RNF220: variants seen among roughly 807,000 people sequenced by gnomAD.
RNF220 encodes the protein ring finger protein 220.
Under a neutral mutation model 67.1 loss-of-function variants are expected in RNF220, and 7 were observed. The observed-to-expected ratio is 0.10, with a 90% CI of 0.06 to 0.20. RNF220 has a LOEUF of 0.20. Among genes scored for constraint, RNF220 ranks in the 10% least tolerant of loss-of-function variants. The pLI, the probability that RNF220 is intolerant of heterozygous loss-of-function variation, is 1.00. For missense variants in RNF220, 565 were observed against 740.3 expected (o/e 0.76, Z 2.75); for synonymous variants, 270 against 283.2 (o/e 0.95, Z 0.47).
chr1:44,462,243 T>A (rs1041210790), intron 2 of RNF220, among the ~76,000 whole-genome samples: 20 of 134,392 alleles, frequency 1.5e-4, no homozygotes, highest in Admixed American at 1.3e-3. Flanking sequence ...ATATATATAT[T>A]TTTTAATGGG....
At chr1:44,646,487 G>A (rs1297756974) in intron 12 of RNF220, among the ~76,000 whole-genome samples, 5 of 152,244 alleles carry the variant, frequency 3.3e-5, no homozygotes, top group Admixed American at 2.6e-4. Flanking sequence ...TGGGTTCTGC[G>A]CAACCAGCTT....
chr1:44,451,689 C>T (rs1242554148), intron 2 of RNF220, among the ~76,000 whole-genome samples: 2 of 152,026 alleles, frequency 1.3e-5, no homozygotes, highest in Non-Finnish European at 2.9e-5. Flanking sequence ...ATGGCATGAT[C>T]GGCTCACTGC....
In RNF220 at chr1:44,405,377, A is replaced by ACTGCTGCTGCTGCTG. The variant is rs111665631; in HGVS notation, c.-266_-252dup. On this transcript the variant is annotated 5_prime_UTR_variant, in exon 1 of 15. Transcript: ENST00000361799. ...AACACAAACCCGGGGCCAGCCGCCT[A>ACTGCTGCTGCTGCTG]CTGCTGCTGCTGCTGCTGCCGCTGC... The ACTGCTGCTGCTGCTG allele has an allele frequency of 1.6e-4, 95 of 611,418 alleles. No individual in the cohort carries two copies. The highest frequency in any genetic ancestry group is 7.1e-4 in the Middle Eastern group (2 of 2,814). The allele number at this position is 611,418 out of a possible 1,614,324, so 37.9% of individuals were successfully genotyped here. A position where few individuals can be genotyped will look rare whatever the true frequency, so the allele number is the denominator to read the frequency against.
intron 1 of RNF220, among the ~76,000 whole-genome samples, chr1:44,406,973 G>C (rs2147788574): frequency 6.6e-6 from 1 of 152,330 alleles, no homozygotes; most frequent in East Asian, 1.9e-4. Context: ...CAGGAGGCAG[G>C]GGGAAAGCTC....
chr1:44,620,472 G>T (rs1643746600), intron 3 of RNF220, among the ~76,000 whole-genome samples: 1 of 152,216 alleles, frequency 6.6e-6, no homozygotes, highest in Non-Finnish European at 1.5e-5. Flanking sequence ...GGCAGTATTT[G>T]TTTACTGAGT....
At chr1:44,507,125 C>G (rs533549426) in intron 2 of RNF220, among the ~76,000 whole-genome samples, 24 of 152,266 alleles carry the variant, frequency 1.6e-4, no homozygotes, top group African/African-American at 5.3e-4. Flanking sequence ...GGGCAGGCAT[C>G]AGGGCAGACC....
rs528761247 is a variant in RNF220, at chr1:44,412,791, C to T, written c.625+69C>T. The T allele has an allele frequency of 5.2e-6, 8 of 1,540,692 alleles. No individual in the cohort carries two copies. Among genetic ancestry groups the T allele is most frequent in the Admixed American group, 3.9e-5 (2 of 51,702 alleles). On this transcript the variant is annotated intron_variant, in intron 2 of 14. Transcript: ENST00000361799. This position sits in a 1 kb window ranked among gnomAD's most constrained non-coding sequence, Gnocchi z 5.3. ...TGCCTCACCGTGATGTTCAACAGGT[C>T]GGTGGCGTTTTGCATGCTCCTAGTA...
At chr1:44,468,993 A>G (rs1654538835) in intron 2 of RNF220, among the ~76,000 whole-genome samples, 1 of 152,230 alleles carries the variant, frequency 6.6e-6, no homozygotes, top group South Asian at 2.1e-4. Context: ...AACATATTAC[A>G]ACATAATATG....
intron 2 of RNF220, among the ~76,000 whole-genome samples, chr1:44,448,036 C>T (rs763079403): frequency 2.7e-5 from 4 of 146,194 alleles, no homozygotes; most frequent in Admixed American, 2.0e-4. Flanking sequence ...GGCAGTGTCA[C>T]GCCTGTAATC....
At chr1:44,420,733 C>T (rs954308402) in intron 2 of RNF220, among the ~76,000 whole-genome samples, 1 of 152,296 alleles carries the variant, frequency 6.6e-6, no homozygotes, top group African/African-American at 2.4e-5. Flanking sequence ...TACCTAATCT[C>T]TCTGGGCCTC....
At chr1:44,632,126 G>A in intron 5 of RNF220, 2 of 1,514,898 alleles carry the variant, frequency 1.3e-6, no homozygotes, top group Non-Finnish European at 1.8e-6. Context: ...AGCGGCCACG[G>A]GGTCCCGTTA....
At chr1:44,424,128 CT>C in intron 2 of RNF220, 1 of 571,954 alleles carries the variant, frequency 1.7e-6, no homozygotes, top group Non-Finnish European at 2.2e-6. Context: ...TCTTGACAGC[CT>C]TATGGTTAAG....
At chr1:44,548,312 C>T (rs548837450) in intron 2 of RNF220, among the ~76,000 whole-genome samples, 6 of 152,270 alleles carry the variant, frequency 3.9e-5, no homozygotes, top group Non-Finnish European at 5.9e-5. Flanking sequence ...CTTCCTAAAA[C>T]GTGACTCTAA....
At chr1:44,616,381 G>A (rs1025982314) in intron 3 of RNF220, among the ~76,000 whole-genome samples, 2 of 152,160 alleles carry the variant, frequency 1.3e-5, no homozygotes, top group African/African-American at 4.8e-5. Flanking sequence ...ACTATGTGCC[G>A]AGTACTTTAC....
chr1:44,530,253 G>A (rs191714911), intron 2 of RNF220, among the ~76,000 whole-genome samples: 1 of 152,086 alleles, frequency 6.6e-6, no homozygotes, highest in Non-Finnish European at 1.5e-5. Flanking sequence ...TGTGCCATCA[G>A]CTTTATAATT....
intron 2 of RNF220, among the ~76,000 whole-genome samples, chr1:44,451,194 GAA>G (rs1351545686): frequency 1.3e-5 from 1 of 77,678 alleles, no homozygotes; most frequent in African/African-American, 4.8e-5. Context: ...AAAAGAAAAA[GAA>G]AAAAAAAAAA....
chr1:44,597,302 G>A (rs1666567603), intron 2 of RNF220, among the ~76,000 whole-genome samples: 1 of 152,140 alleles, frequency 6.6e-6, no homozygotes, highest in East Asian at 1.9e-4. Flanking sequence ...AATGAATGAA[G>A]TAGCCAGAAG....
At chr1:44,583,309 G>A (rs1028289104) in intron 2 of RNF220, among the ~76,000 whole-genome samples, 2 of 152,050 alleles carry the variant, frequency 1.3e-5, no homozygotes, top group Admixed American at 1.3e-4. Context: ...TCTAGGCTCC[G>A]TGTACCCAGA....
At chr1:44,553,165 T>C (rs1038303783) in intron 2 of RNF220, among the ~76,000 whole-genome samples, 2 of 150,984 alleles carry the variant, frequency 1.3e-5, no homozygotes, top group South Asian at 4.2e-4. Context: ...TAGGTGCCAC[T>C]TTTGTGTATT....
Sources: gnomAD v4.1 joint callset for allele counts (sites outside exome capture counted in the v4.1 genomes callset) on GRCh38, gnomAD v4.1.1 for gene constraint, Gnocchi (gnomAD v3.1) non-coding constraint, MANE v1.5 for transcripts, NCBI Gene and HGNC (gene_info 2026-07-23, HGNC 2026-07-21) for gene names.